ATG13: variants seen among roughly 807,000 people sequenced by gnomAD.
The protein encoded by ATG13 is autophagy-related protein 13.
A neutral mutation model predicts 65.5 loss-of-function variants in ATG13; 23 were observed. The ratio of observed to expected loss-of-function variants is 0.35; its 90% CI spans 0.25 to 0.50. The LOEUF (loss-of-function observed/expected upper bound fraction) is 0.50. Among genes scored for constraint, ATG13 ranks in the 20% least tolerant of loss-of-function variants. ATG13 has a pLI of 0.98. For synonymous variants in ATG13, 252 were observed against 245.2 expected, an observed-to-expected ratio of 1.03 and a Z score of -0.26; for missense variants, 566 against 677.0, an observed-to-expected ratio of 0.84 and a Z score of 1.82.
At chr11:46,663,882 G>C (rs1193394512) in intron 11 of ATG13, 115 bp from the exon 12 acceptor site, 21 of 724,844 alleles carry the variant, frequency 2.9e-5, no homozygotes, top group Non-Finnish European at 4.7e-5. Context: ...TCCAGTGTCA[G>C]TTCTGGCCTC....
At chr11:46,636,695 G>C (rs988501976) in intron 2 of ATG13, among the ~76,000 whole-genome samples, 1 of 151,708 alleles carries the variant, frequency 6.6e-6, no homozygotes, top group African/African-American at 2.4e-5. Flanking sequence ...GGCCACAAGC[G>C]ATCCTCCTGC....
intron 2 of ATG13, among the ~76,000 whole-genome samples, chr11:46,633,749 T>G (rs1330037956): frequency 1.3e-5 from 2 of 152,122 alleles, no homozygotes; most frequent in Non-Finnish European, 2.9e-5. Flanking sequence ...AGTTCCAGGT[T>G]ACGGTGAGCT....
chr11:46,652,699 C>T (rs557200989), intron 7 of ATG13, among the ~76,000 whole-genome samples: 1 of 152,202 alleles, frequency 6.6e-6, no homozygotes, highest in East Asian at 1.9e-4. Context: ...GGTGACAGAG[C>T]AAGACTCTGT....
At chr11:46,663,889 C>A in intron 11 of ATG13, 108 bp from the exon 12 acceptor site, 1 of 768,612 alleles carries the variant, frequency 1.3e-6, no homozygotes, top group Non-Finnish European at 2.1e-6. Context: ...TCAGTTCTGG[C>A]CTCTCTTGCT....
In ATG13 at chr11:46,672,349, C is replaced by T. The variant is rs1322835111; in HGVS notation, c.*17C>T. On this transcript the variant is annotated 3_prime_UTR_variant, in exon 19 of 19. Coordinates refer to ENST00000683050, the MANE Select transcript of ATG13 (RefSeq NM_001346311.2). ...CTGCAGTAAAAGTATCCTTGAGTCC[C>T]AGCAGCACCCCCTTTTTGTGGCCCC... is the stretch of plus-strand genomic sequence containing the variant. The T allele has an allele frequency of 6.2e-6, 10 of 1,614,182 alleles. No individual in the cohort carries two copies. Among genetic ancestry groups the T allele is most frequent in the Non-Finnish European group, 8.5e-6 (10 of 1,179,988 alleles).
intron 6 of ATG13, among the ~76,000 whole-genome samples, chr11:46,649,821 C>G (rs2058532049): frequency 6.6e-6 from 1 of 152,142 alleles, no homozygotes. Flanking sequence ...GCTGACTTTT[C>G]TGCAGACTTC....
intron 4 of ATG13, 137 bp from the exon 5 acceptor site, chr11:46,645,733 T>G: frequency 7.8e-7 from 1 of 1,275,982 alleles, no homozygotes; most frequent in South Asian, 1.5e-5. Flanking sequence ...GGATTATCCC[T>G]TATGGGGAAG....
chr11:46,646,541 C>T (rs1331220740), intron 5 of ATG13, among the ~76,000 whole-genome samples: 1 of 151,424 alleles, frequency 6.6e-6, no homozygotes, highest in Non-Finnish European at 1.5e-5. Flanking sequence ...TTGACTCACT[C>T]CAGCCTCCGC....
At chr11:46,663,182 C>T (rs909470510) in intron 11 of ATG13, among the ~76,000 whole-genome samples, 22 of 140,212 alleles carry the variant, frequency 1.6e-4, no homozygotes, top group African/African-American at 5.3e-4. Flanking sequence ...AGGAGAATGG[C>T]GTGAACCTGG....
At chr11:46,645,521 T>C in intron 4 of ATG13, 102 bp downstream of exon 4, 1 of 969,808 alleles carries the variant, frequency 1.0e-6, no homozygotes, top group Non-Finnish European at 1.5e-6. Flanking sequence ...TATAGTATTA[T>C]AAAAGTAAAA....
intron 10 of ATG13, 107 bp from the exon 11 acceptor site, chr11:46,659,275 GAACTGTGTGA>G: frequency 1.3e-6 from 1 of 746,502 alleles, no homozygotes; most frequent in Admixed American, 2.5e-5. Flanking sequence ...TTGCCAGTAC[GAACTGTGTGA>G]AACCGTTCTT....
At chr11:46,638,537 CCTAT>C (rs1308902091) in intron 2 of ATG13, 1 of 152,160 alleles carries the variant, frequency 6.6e-6, no homozygotes, top group Non-Finnish European at 1.5e-5. Flanking sequence ...ACTTATTCCT[CCTAT>C]CTAACTGTGG....
chr11:46,669,343 T>G (rs946331276), intron 17 of ATG13, 61 bp from the exon 18 acceptor site: 11 of 1,590,082 alleles, frequency 6.9e-6, no homozygotes, highest in Non-Finnish European at 9.5e-6. Context: ...AAAGACTTGT[T>G]CATAGCTTAT....
Position 46,635,295 on chromosome 11 carries a change from C to T in ATG13, c.-14+5195C>T, listed in dbSNP as rs533697163. ...TGCTGGGATTACAGGCGTGAGCCACCGAGCTTGGCCTTTTAAAAGTTTTAT... is the reference window on the plus strand; with the variant it reads ...TGCTGGGATTACAGGCGTGAGCCACTGAGCTTGGCCTTTTAAAAGTTTTAT... On this transcript the variant is annotated intron_variant, in intron 2 of 18. Coordinates refer to ENST00000683050, the MANE Select transcript of ATG13 (RefSeq NM_001346311.2). 1.1e-4 allele frequency among the ~76,000 whole-genome samples: 17 copies of T among 152,230 alleles called. No homozygotes were observed. In the South Asian group the frequency reaches 1.4e-3, roughly 13 times the overall value.
At chr11:46,669,318 A>G (rs2063160393) in intron 17 of ATG13, 86 bp from the exon 18 acceptor site, 10 of 1,505,828 alleles carry the variant, frequency 6.6e-6, no homozygotes, top group Middle Eastern at 1.7e-4. Flanking sequence ...GAACCTTTTG[A>G]TAATTGCTAG....
chr11:46,672,508 G>A lies in ATG13; in HGVS notation c.*176G>A, dbSNP rs912710450. The A allele has an allele frequency of 1.2e-4, 180 of 1,475,942 alleles. No homozygotes were observed. Among genetic ancestry groups the A allele is most frequent in the African/African-American group, 3.4e-4 (24 of 71,464 alleles). The allele number at this position is 1,475,942 out of a possible 1,614,324, so 91.4% of individuals were successfully genotyped here. ...TTGGACCTCCTGGAGACTCCGTGGCGGCAGTCAAGCCCAGTGCCCAGTTGG... is the reference window on the plus strand; with the variant it reads ...TTGGACCTCCTGGAGACTCCGTGGCAGCAGTCAAGCCCAGTGCCCAGTTGG... On this transcript the variant is annotated 3_prime_UTR_variant, in exon 19 of 19. Coordinates refer to ENST00000683050, the MANE Select transcript of ATG13 (RefSeq NM_001346311.2).
In ATG13 at chr11:46,620,892, G is replaced by A. The variant is rs185306452; in HGVS notation, c.-70+3002G>A. 187 of 152,288 alleles carry A rather than the reference G, an allele frequency of 1.2e-3. 1 individual carries two copies. Among genetic ancestry groups the A allele is most frequent in the African/African-American group, 4.4e-3 (182 of 41,554 alleles). The allele number at this position is 152,288 out of a possible 1,614,324, so 9.4% of individuals were successfully genotyped here. ...TCATAACTTATAGAAACCTCCTGTGGAGCAGAAAAATAAAATGAAAGAAGT... is the reference window on the plus strand; with the variant it reads ...TCATAACTTATAGAAACCTCCTGTGAAGCAGAAAAATAAAATGAAAGAAGT... On this transcript the variant is annotated intron_variant, in intron 1 of 18. Coordinates refer to ENST00000683050, the MANE Select transcript of ATG13 (RefSeq NM_001346311.2).
chr11:46,655,418 A>G (rs1310919145), intron 7 of ATG13, among the ~76,000 whole-genome samples: 1 of 151,732 alleles, frequency 6.6e-6, no homozygotes, highest in Admixed American at 6.6e-5. Flanking sequence ...ACAAACAAAC[A>G]AAAAAACAGC....
intron 10 of ATG13, 112 bp downstream of exon 10, chr11:46,657,734 C>T (rs1234904458): frequency 2.2e-5 from 21 of 955,704 alleles, no homozygotes; most frequent in Non-Finnish European, 3.1e-5. Context: ...GGCAGGGGGC[C>T]ACTGATGGAG....
Sources: allele counts gnomAD v4.1 joint callset (sites outside exome capture counted in the v4.1 genomes callset), GRCh38; gene constraint gnomAD v4.1.1; transcripts MANE v1.5; gene names NCBI Gene and HGNC (gene_info 2026-07-23, HGNC 2026-07-21).